Variants in CNTN4 observed in about 807,000 individuals in gnomAD.
The protein encoded by CNTN4 is contactin-4.
Under a neutral mutation model 122.5 loss-of-function variants are expected in CNTN4, and 77 were observed. The observed-to-expected ratio is 0.63, with a 90% CI of 0.52 to 0.76. The LOEUF is 0.76. CNTN4 is among the 30% of genes least tolerant of loss of function. The probability of loss-of-function intolerance (pLI) is 0.00; values close to 1 mark genes in which losing one functional copy is unlikely to be tolerated. For synonymous variants in CNTN4, 512 were observed against 447.0 expected (o/e 1.15, Z -1.83); for missense variants, 1,256 against 1,259.1 (o/e 1.00, Z 0.04).
chr3:2,563,496 A>C (rs558413771), intron 3 of CNTN4, among the ~76,000 whole-genome samples: 4 of 152,290 alleles, frequency 2.6e-5, no homozygotes, highest in Admixed American at 2.6e-4. Context: ...TCATTTCACC[A>C]GTTGTTTTGT....
chr3:2,367,742 C>T (rs539670148), intron 3 of CNTN4, among the ~76,000 whole-genome samples: 2 of 152,272 alleles, frequency 1.3e-5, no homozygotes, highest in South Asian at 4.1e-4. Flanking sequence ...GCCTGGGCCT[C>T]CCAAAGTGCT....
Position 2,224,209 on chromosome 3 carries a change from G to C in CNTN4, c.-144-114969G>C, listed in dbSNP as rs79675646. On this transcript the variant is annotated intron_variant, in intron 2 of 24. Transcript: ENST00000418658. ...ATGTATGCCAAAGAAATATATTTTA[G>C]GGTGGCACATTCTGGTCTTCTACAG... Among the ~76,000 whole-genome samples the C allele has an allele frequency of 1.4e-4, 21 of 152,228 alleles. No homozygotes were observed. In the East Asian group the frequency reaches 4.1e-3, roughly 29 times the overall value.
chr3:2,345,092 A>T (rs547115720), intron 3 of CNTN4, among the ~76,000 whole-genome samples: 33 of 152,342 alleles, frequency 2.2e-4, no homozygotes, highest in African/African-American at 7.5e-4. Context: ...AGAGAGGAGT[A>T]TTAACATGCT....
intron 13 of CNTN4, among the ~76,000 whole-genome samples, chr3:2,949,474 G>C (rs1472813888): frequency 6.6e-6 from 1 of 152,172 alleles, no homozygotes; most frequent in Non-Finnish European, 1.5e-5. Flanking sequence ...ACCCTTCCTT[G>C]CTTTTTTCAG....
At chr3:2,445,810 A>G (rs2048604555) in intron 3 of CNTN4, among the ~76,000 whole-genome samples, 1 of 152,072 alleles carries the variant, frequency 6.6e-6, no homozygotes, top group South Asian at 2.1e-4. Context: ...TCCAGAACCC[A>G]TCTCTCTCCA....
chr3:3,015,970 C>G (rs1242877615), intron 14 of CNTN4, among the ~76,000 whole-genome samples: 1 of 152,162 alleles, frequency 6.6e-6, no homozygotes, highest in East Asian at 1.9e-4. Context: ...TTCACTGATA[C>G]TAATGGGATT....
intron 12 of CNTN4, among the ~76,000 whole-genome samples, chr3:2,905,262 C>G (rs2094216918): frequency 1.3e-5 from 2 of 152,160 alleles, no homozygotes; most frequent in South Asian, 4.1e-4. Flanking sequence ...TCTGTTTAAG[C>G]TGCTATAACA....
intron 6 of CNTN4, among the ~76,000 whole-genome samples, chr3:2,804,101 A>G (rs575602395): frequency 6.2e-4 from 93 of 151,176 alleles, no homozygotes; most frequent in African/African-American, 2.0e-3. Context: ...ACACACACGT[A>G]TGATAAAAAC....
chr3:3,048,163 G>T (rs1700868210), intron 23 of CNTN4, among the ~76,000 whole-genome samples: 1 of 151,936 alleles, frequency 6.6e-6, no homozygotes. Context: ...AATGTTTAGA[G>T]ATACATAATT....
chr3:2,716,693 A>C (rs1351350277), intron 4 of CNTN4, among the ~76,000 whole-genome samples: 1 of 152,170 alleles, frequency 6.6e-6, no homozygotes, highest in African/African-American at 2.4e-5. Flanking sequence ...CATATACACA[A>C]TTTTGTGAAA....
chr3:2,903,757 ATCTT>A (rs1177330350), intron 12 of CNTN4, among the ~76,000 whole-genome samples: 2 of 151,716 alleles, frequency 1.3e-5, no homozygotes, highest in Non-Finnish European at 2.9e-5. Context: ...TTTTTTTGTG[ATCTT>A]TCTATCTTTT....
chr3:2,700,302 G>T (rs957589297), intron 4 of CNTN4, among the ~76,000 whole-genome samples: 1 of 152,176 alleles, frequency 6.6e-6, no homozygotes, highest in Non-Finnish European at 1.5e-5. Flanking sequence ...CAGAAGTTAA[G>T]TCCCTTACTT....
In CNTN4 at chr3:3,007,982, A is replaced by G. The variant is rs185668749; in HGVS notation, c.1487-18120A>G. Among the ~76,000 whole-genome samples, 576 of 152,262 alleles carry G rather than the reference A, an allele frequency of 3.8e-3. 5 individuals carry two copies. Among genetic ancestry groups the G allele is most frequent in the African/African-American group, 0.013 (554 of 41,550 alleles). On this transcript the variant is annotated intron_variant, in intron 14 of 24. Transcript: ENST00000418658. ...GGAAACTTTCTCATGATGTTGAGTA[A>G]CTGGGACATTTGGGATTAATGATGT...
At chr3:2,429,636 G>T (rs554661612) in intron 3 of CNTN4, among the ~76,000 whole-genome samples, 8 of 152,206 alleles carry the variant, frequency 5.3e-5, no homozygotes, top group Non-Finnish European at 1.2e-4. Context: ...TAAGTCTGCA[G>T]TAGTTTCTGC....
intron 2 of CNTN4, among the ~76,000 whole-genome samples, chr3:2,311,227 G>GT (rs1226152517): frequency 6.6e-6 from 1 of 152,068 alleles, no homozygotes; most frequent in Non-Finnish European, 1.5e-5. Context: ...ATGAGTCATA[G>GT]TCTCTTCAGA....
chr3:2,121,121 C>T (rs948485211), intron 2 of CNTN4, among the ~76,000 whole-genome samples: 2 of 151,906 alleles, frequency 1.3e-5, no homozygotes, highest in African/African-American at 4.8e-5. Flanking sequence ...CTCTCCCTCC[C>T]TCTCTTCTTT....
At chr3:2,527,436 T>TGCTGCTGCTGCTGCTGCTGC (rs34375682) in intron 3 of CNTN4, among the ~76,000 whole-genome samples, 117 of 150,394 alleles carry the variant, frequency 7.8e-4, no homozygotes, top group Non-Finnish European at 1.3e-3. Flanking sequence ...GCTGCTGCTG[T>TGCTGCTGCTGCTGCTGCTGC]TGCTGTTATT....
chr3:2,343,495 G>A (rs1460457598), intron 3 of CNTN4, among the ~76,000 whole-genome samples: 4 of 152,222 alleles, frequency 2.6e-5, no homozygotes, highest in Non-Finnish European at 4.4e-5. Context: ...GAGACTGGTC[G>A]CGGGTCACTC....
chr3:2,447,908 G>A (rs2048683617), intron 3 of CNTN4, among the ~76,000 whole-genome samples: 1 of 152,098 alleles, frequency 6.6e-6, no homozygotes, highest in Admixed American at 6.6e-5. Context: ...AGGAAATGTA[G>A]GTTTGGCATT....
Sources: allele counts gnomAD v4.1 joint callset (sites outside exome capture counted in the v4.1 genomes callset), GRCh38; gene constraint gnomAD v4.1.1; transcripts MANE v1.5; gene names NCBI Gene and HGNC (gene_info 2026-07-23, HGNC 2026-07-21).